STMN2: variants seen among roughly 807,000 people sequenced by gnomAD.
STMN2 encodes the protein stathmin 2.
A neutral mutation model predicts 24.1 loss-of-function variants in STMN2; 2 were observed. The ratio of observed to expected loss-of-function variants is 0.08; its 90% CI spans 0.03 to 0.26. The LOEUF is 0.26. Ranked by LOEUF, STMN2 falls within the 10% of genes least tolerant of loss-of-function variation. The probability of loss-of-function intolerance (pLI) is 1.00; values close to 1 mark genes in which losing one functional copy is unlikely to be tolerated. For synonymous variants in STMN2, 83 were observed against 77.5 expected, an observed-to-expected ratio of 1.07 and a Z score of -0.37; for missense variants, 114 against 213.6, an observed-to-expected ratio of 0.53 and a Z score of 2.91.
intron 3 of STMN2, among the ~76,000 whole-genome samples, chr8:79,652,488 A>G (rs1038669449): frequency 6.6e-6 from 1 of 152,152 alleles, no homozygotes; most frequent in Non-Finnish European, 1.5e-5. Context: ...ACTCTCATCA[A>G]CCATCAGGAT....
chr8:79,624,470 AAAAAAAAAG>A (rs1434531501), intron 1 of STMN2, among the ~76,000 whole-genome samples: 142 of 148,386 alleles, frequency 9.6e-4, no homozygotes, highest in African/African-American at 3.3e-3. Flanking sequence ...AAAAAAAAAA[AAAAAAAAAG>A]AAAGAAAGAA....
intron 4 of STMN2, among the ~76,000 whole-genome samples, chr8:79,656,448 G>A (rs1180763846): frequency 6.6e-6 from 1 of 152,202 alleles, no homozygotes; most frequent in East Asian, 1.9e-4. Flanking sequence ...ATTTGGAAGA[G>A]GCAACAGAAT....
chr8:79,613,501 A>C, intron 1 of STMN2: 1 of 985,488 alleles, frequency 1.0e-6, no homozygotes, highest in Non-Finnish European at 1.2e-6. Flanking sequence ...AAAGGTTCTG[A>C]GAATGGGTGG....
chr8:79,651,206 T>C (rs1266346938), intron 3 of STMN2, among the ~76,000 whole-genome samples: 13 of 152,212 alleles, frequency 8.5e-5, no homozygotes, highest in Admixed American at 8.5e-4. Flanking sequence ...CTGGCCTAGT[T>C]TGGCAGGTCT....
chr8:79,661,155 GGTA>G (rs1806492853), intron 4 of STMN2, among the ~76,000 whole-genome samples: 1 of 151,910 alleles, frequency 6.6e-6, no homozygotes, highest in African/African-American at 2.4e-5. Flanking sequence ...TTTTCCTTTG[GGTA>G]GATACCCAGC....
intron 4 of STMN2, among the ~76,000 whole-genome samples, chr8:79,662,427 G>A (rs1196816122): frequency 6.6e-6 from 1 of 152,006 alleles, no homozygotes; most frequent in African/African-American, 2.4e-5. Flanking sequence ...TCTAGTAATT[G>A]CAAACAGTGA....
rs1806571925 is a variant in STMN2 at position 79,664,955 on chromosome 8, GGAATGTAT to G, written c.*84_*91del. On this transcript the variant is annotated 3_prime_UTR_variant, in exon 5 of 5. Coordinates refer to ENST00000220876, the MANE Select transcript of STMN2 (RefSeq NM_007029.4). ...AATGGATCATGCGATATCAGGATGG[GGAATGTAT>G]GACATGGTTTAAAAAGAACTCATTA... 1 of 1,280,268 alleles carries G rather than the reference GGAATGTAT, an allele frequency of 7.8e-7. No homozygotes were observed. Among genetic ancestry groups the G allele is most frequent in the African/African-American group, 1.5e-5 (1 of 65,838 alleles). The allele number at this position is 1,280,268 out of a possible 1,614,324, so 79.3% of individuals were successfully genotyped here. A position where few individuals can be genotyped will look rare whatever the true frequency, so the allele number is the denominator to read the frequency against.
intron 3 of STMN2, among the ~76,000 whole-genome samples, chr8:79,643,510 G>A (rs1810156055): frequency 6.6e-6 from 1 of 151,922 alleles, no homozygotes; most frequent in African/African-American, 2.4e-5. Context: ...ATTAGAATAT[G>A]GAGTCAGTGA....
intron 1 of STMN2, among the ~76,000 whole-genome samples, chr8:79,628,206 C>T (rs1809706856): frequency 6.6e-6 from 1 of 151,806 alleles, no homozygotes; most frequent in South Asian, 2.1e-4. Context: ...CTATGTCGCC[C>T]AGGCTGGAGT....
intron 1 of STMN2, among the ~76,000 whole-genome samples, chr8:79,630,275 T>G (rs1215154120): frequency 6.6e-6 from 1 of 152,214 alleles, no homozygotes; most frequent in Non-Finnish European, 1.5e-5. Flanking sequence ...AATTTTTTTT[T>G]TATTTTGCAG....
At chr8:79,611,586 T>TA (rs1318891029) in intron 1 of STMN2, 2 of 225,582 alleles carry the variant, frequency 8.9e-6, no homozygotes, top group African/African-American at 4.7e-5. Context: ...TTTTTTTTTT[T>TA]ATTTCTTCTC....
At chr8:79,654,035 C>T (rs1242659696) in intron 3 of STMN2, among the ~76,000 whole-genome samples, 1 of 152,190 alleles carries the variant, frequency 6.6e-6, no homozygotes, top group South Asian at 2.1e-4. Flanking sequence ...ATTTGAGTCA[C>T]TAGTGATGCT....
intron 2 of STMN2, among the ~76,000 whole-genome samples, chr8:79,637,625 G>A (rs1464417389): frequency 3.3e-5 from 5 of 152,088 alleles, no homozygotes; most frequent in Non-Finnish European, 7.4e-5. Flanking sequence ...TTTAATGTAA[G>A]TCAAATATGC....
At chr8:79,657,219 T>G (rs114725525) in intron 4 of STMN2, among the ~76,000 whole-genome samples, 3,277 of 152,316 alleles carry the variant, frequency 0.022, 139 homozygotes, top group African/African-American at 0.075. Context: ...TTCAAAAATT[T>G]TCCATATTTT....
At chr8:79,637,567 A>T (rs1809995587) in intron 2 of STMN2, among the ~76,000 whole-genome samples, 1 of 152,212 alleles carries the variant, frequency 6.6e-6, no homozygotes, top group African/African-American at 2.4e-5. Flanking sequence ...TCTAAGTCTC[A>T]TTTAACTCTA....
intron 4 of STMN2, among the ~76,000 whole-genome samples, chr8:79,662,114 A>G (rs1200488387): frequency 1.3e-5 from 2 of 152,138 alleles, no homozygotes; most frequent in Non-Finnish European, 2.9e-5. Flanking sequence ...AAATCTTTCT[A>G]TGAAATCAGA....
At chr8:79,634,072 G>A (rs999952439) in intron 1 of STMN2, among the ~76,000 whole-genome samples, 15 of 152,060 alleles carry the variant, frequency 9.9e-5, no homozygotes, top group Non-Finnish European at 1.5e-4. Context: ...TAATAAAGTC[G>A]GCATGTAATA....
At chr8:79,627,329 C>T (rs1453405191) in intron 1 of STMN2, among the ~76,000 whole-genome samples, 1 of 152,132 alleles carries the variant, frequency 6.6e-6, no homozygotes, top group Non-Finnish European at 1.5e-5. Context: ...ACACTTGATT[C>T]TATTTTTGCC....
At chr8:79,645,948 G>A (rs1810207989) in intron 3 of STMN2, among the ~76,000 whole-genome samples, 1 of 151,950 alleles carries the variant, frequency 6.6e-6, no homozygotes, top group Admixed American at 6.6e-5. Flanking sequence ...CATGAAGATA[G>A]AACTTGTCTT....
Sources: allele counts gnomAD v4.1 joint callset (sites outside exome capture counted in the v4.1 genomes callset), GRCh38; gene constraint gnomAD v4.1.1; transcripts MANE v1.5; gene names NCBI Gene and HGNC (gene_info 2026-07-23, HGNC 2026-07-21).